The following KRABD4 variants were observed in gnomAD, a reference collection of about 807,000 sequenced individuals.
KRABD4 encodes the protein KRAB domain containing 4.
At chrX:46,469,830 G>C in the KRABD4 span, among the ~76,000 whole-genome samples, 1 of 111,142 alleles carries the variant, frequency 9.0e-6, no homozygotes, top group Non-Finnish European at 1.9e-5. Context: ...TTACTTGCAG[G>C]TTTTTTCATA....
chrX:46,460,045 T>C, the KRABD4 span, among the ~76,000 whole-genome samples: 1 of 112,324 alleles, frequency 8.9e-6, no homozygotes, highest in Non-Finnish European at 1.9e-5. Context: ...GGGCCACAAA[T>C]TGGGGGTTCC....
chrX:46,470,048 A>G, the KRABD4 span, among the ~76,000 whole-genome samples: 19 of 110,763 alleles, frequency 1.7e-4, no homozygotes, highest in African/African-American at 6.2e-4. Context: ...TCATCCCCCC[A>G]ACCAAACTTC....
At chrX:46,459,068 T>C in the KRABD4 span, among the ~76,000 whole-genome samples, 2 of 111,665 alleles carry the variant, frequency 1.8e-5, no homozygotes, top group Non-Finnish European at 3.8e-5. Flanking sequence ...ATCCCAGCAC[T>C]TTGGGAGGCC....
At chrX:46,450,316 A>G in the KRABD4 span, 1 of 409,962 alleles carries the variant, frequency 2.4e-6, no homozygotes, top group Admixed American at 4.3e-5. Flanking sequence ...TGGAGCTACC[A>G]GGTCATGTTT....
chrX:46,465,830 TAGG>T, the KRABD4 span, among the ~76,000 whole-genome samples: 1 of 111,242 alleles, frequency 9.0e-6, no homozygotes, highest in Non-Finnish European at 1.9e-5. Context: ...TGCAAGGAAA[TAGG>T]AGACGGCAAT....
the KRABD4 span, chrX:46,456,432 C>A: frequency 7.7e-6 from 1 of 130,663 alleles, no homozygotes. Context: ...AAGTATAAAT[C>A]CTCTGGAAAT....
At chrX:46,456,827 T>C in the KRABD4 span, 2 of 436,030 alleles carry the variant, frequency 4.6e-6, no homozygotes, top group Non-Finnish European at 7.0e-6. Flanking sequence ...GAAACAGGAC[T>C]TCCTGTTGCA....
the KRABD4 span, chrX:46,450,471 C>G: frequency 8.3e-7 from 1 of 1,206,437 alleles, no homozygotes; most frequent in African/African-American, 1.8e-5. Context: ...ATGGCCATGT[C>G]CCAGGTGAGT....
At chrX:46,465,180 A>T in the KRABD4 span, among the ~76,000 whole-genome samples, 15 of 112,944 alleles carry the variant, frequency 1.3e-4, no homozygotes, top group East Asian at 3.3e-3. Flanking sequence ...GGTAACTTTT[A>T]AAAAATCTAG....
At chrX:46,468,826 G>A in the KRABD4 span, among the ~76,000 whole-genome samples, 4 of 111,338 alleles carry the variant, frequency 3.6e-5, no homozygotes, top group East Asian at 1.1e-3. Context: ...TTGAACATAT[G>A]TGTCACTCTG....
chrX:46,449,675 T>G, the KRABD4 span, among the ~76,000 whole-genome samples: 1 of 112,807 alleles, frequency 8.9e-6, no homozygotes, highest in Admixed American at 9.3e-5. Flanking sequence ...CCATAGCATT[T>G]TGAAAGGCTG....
the KRABD4 span, among the ~76,000 whole-genome samples, chrX:46,448,835 C>A: frequency 6.3e-5 from 4 of 63,171 alleles, no homozygotes; most frequent in Admixed American, 1.8e-4. Flanking sequence ...GAATTTGAGT[C>A]AGCCCCACAC....
At chrX:46,453,456 T>C in the KRABD4 span, among the ~76,000 whole-genome samples, 1 of 112,108 alleles carries the variant, frequency 8.9e-6, no homozygotes, top group Non-Finnish European at 1.9e-5. Context: ...AAACTTTTTT[T>C]TTTAAATGGT....
chrX:46,451,946 T>C, the KRABD4 span, among the ~76,000 whole-genome samples: 1 of 112,278 alleles, frequency 8.9e-6, no homozygotes, highest in Admixed American at 9.4e-5. Flanking sequence ...AAAAAGTTTT[T>C]TGTGGTTTTT....
chrX:46,464,671 T>C, the KRABD4 span, among the ~76,000 whole-genome samples: 1 of 112,297 alleles, frequency 8.9e-6, no homozygotes, highest in East Asian at 2.8e-4. Context: ...TCATCAGGAT[T>C]TCTGATGTGC....
At chrX:46,462,788 T>C in the KRABD4 span, 1 of 1,211,823 alleles carries the variant, frequency 8.3e-7, no homozygotes, top group South Asian at 1.8e-5. Context: ...GACTTCACCC[T>C]GGAGGAGTGG....
the KRABD4 span, among the ~76,000 whole-genome samples, chrX:46,463,606 T>C: frequency 8.9e-6 from 1 of 111,974 alleles, no homozygotes; most frequent in South Asian, 3.8e-4. Context: ...CCACCACCTT[T>C]CTGGAAGCTT....
the KRABD4 span, chrX:46,472,936 A>G: frequency 8.3e-7 from 1 of 1,211,692 alleles, no homozygotes; most frequent in Non-Finnish European, 1.1e-6. Context: ...CCTAAATATT[A>G]TTCGTGGGAA....
the KRABD4 span, among the ~76,000 whole-genome samples, chrX:46,461,683 G>A: frequency 2.8e-3 from 312 of 112,121 alleles, 4 homozygotes; most frequent in African/African-American, 9.7e-3. Flanking sequence ...GTTTGGTGGT[G>A]ACAAGGCCAA....
Sources: gnomAD v4.1 joint callset for allele counts (sites outside exome capture counted in the v4.1 genomes callset) on GRCh38, gnomAD v4.1.1 for gene constraint, MANE v1.5 for transcripts, NCBI Gene and HGNC (gene_info 2026-07-23, HGNC 2026-07-21) for gene names.